The following SOX5 variants were observed in gnomAD, a reference collection of about 807,000 sequenced individuals.
SOX5 encodes the protein SRY-box transcription factor 5, also known as transcription factor SOX-5.
A neutral mutation model predicts 92.0 loss-of-function variants in SOX5; 9 were observed. The ratio of observed to expected loss-of-function variants is 0.10; its 90% CI spans 0.06 to 0.17. The LOEUF is 0.17. SOX5 is among the 10% of genes least tolerant of loss of function. The pLI is 1.00. For synonymous variants in SOX5, 344 were observed against 336.3 expected, an observed-to-expected ratio of 1.02 and a Z score of -0.25; for missense variants, 642 against 944.5, an observed-to-expected ratio of 0.68 and a Z score of 4.20.
intron 11 of SOX5, among the ~76,000 whole-genome samples, chr12:23,555,948 C>CTT (rs1469020985): frequency 2.6e-5 from 4 of 152,184 alleles, no homozygotes; most frequent in Admixed American, 2.6e-4. Flanking sequence ...CAAACAGCCC[C>CTT]TTTAACTTGC....
intron 6 of SOX5, among the ~76,000 whole-genome samples, chr12:23,711,435 T>C (rs932831932): frequency 6.6e-6 from 1 of 152,196 alleles, no homozygotes; most frequent in Non-Finnish European, 1.5e-5. Flanking sequence ...TAGGAAATAA[T>C]TGTGCATTTA....
chr12:23,943,698 A>C (rs1056029220), intron 1 of SOX5, among the ~76,000 whole-genome samples: 5 of 152,136 alleles, frequency 3.3e-5, no homozygotes, highest in African/African-American at 1.2e-4. Flanking sequence ...AATGTTACTT[A>C]GATAAAAGAG....
intron 2 of SOX5, among the ~76,000 whole-genome samples, chr12:24,301,801 A>G (rs372390990): frequency 8.5e-5 from 13 of 152,308 alleles, no homozygotes; most frequent in African/African-American, 3.1e-4. Flanking sequence ...AAGTCAATAA[A>G]GCATGCAGAC....
chr12:24,263,058 CAA>C (rs34237989), intron 3 of SOX5, among the ~76,000 whole-genome samples: 2,874 of 150,268 alleles, frequency 0.019, 79 homozygotes, highest in African/African-American at 0.065. Flanking sequence ...CTTGTCTCTA[CAA>C]AAAAAAAAGG....
At chr12:23,643,942 C>T (rs1432385264) in intron 7 of SOX5, among the ~76,000 whole-genome samples, 1 of 152,078 alleles carries the variant, frequency 6.6e-6, no homozygotes, top group Non-Finnish European at 1.5e-5. Flanking sequence ...TTTTAGAACC[C>T]ACCCTAAAGC....
At chr12:24,200,870 T>C (rs1957450140) in intron 4 of SOX5, among the ~76,000 whole-genome samples, 1 of 152,250 alleles carries the variant, frequency 6.6e-6, no homozygotes, top group Non-Finnish European at 1.5e-5. Flanking sequence ...CAGAATTTTA[T>C]TCAAATTGCC....
At chr12:23,593,129 T>A (rs2137177734) in intron 9 of SOX5, among the ~76,000 whole-genome samples, 1 of 152,182 alleles carries the variant, frequency 6.6e-6, no homozygotes, top group South Asian at 2.1e-4. Flanking sequence ...AAAAAATAGT[T>A]TTTCTAAATT....
intron 8 of SOX5, among the ~76,000 whole-genome samples, chr12:23,630,472 C>T (rs988219670): frequency 2.0e-5 from 3 of 151,908 alleles, no homozygotes; most frequent in Admixed American, 6.6e-5. Context: ...TATTAACACA[C>T]TTTAGTGCTG....
intron 2 of SOX5, among the ~76,000 whole-genome samples, chr12:24,302,556 G>T (rs1220737085): frequency 1.3e-5 from 2 of 150,416 alleles, no homozygotes; most frequent in African/African-American, 2.5e-5. Flanking sequence ...TATGAGTTTT[G>T]ATTTTTTTTT....
chr12:24,243,328 G>A (rs1937866734), intron 3 of SOX5, among the ~76,000 whole-genome samples: 1 of 152,044 alleles, frequency 6.6e-6, no homozygotes, highest in Non-Finnish European at 1.5e-5. Context: ...GTTTCATAGT[G>A]TGTATAGTGT....
chr12:23,957,323 G>T (rs918867308), intron 4 of SOX5, among the ~76,000 whole-genome samples: 5 of 152,064 alleles, frequency 3.3e-5, no homozygotes, highest in Admixed American at 1.3e-4. Flanking sequence ...TTATGACTAA[G>T]TTCATCTATT....
At chr12:24,350,049 T>C (rs532602232) in intron 2 of SOX5, among the ~76,000 whole-genome samples, 7 of 152,332 alleles carry the variant, frequency 4.6e-5, no homozygotes, top group African/African-American at 9.6e-5. Context: ...CCAAAGGAGA[T>C]TGAGAAACCA....
At chr12:24,096,542 A>T (rs1220006895) in intron 4 of SOX5, among the ~76,000 whole-genome samples, 1 of 152,188 alleles carries the variant, frequency 6.6e-6, no homozygotes, top group Non-Finnish European at 1.5e-5. Flanking sequence ...ATATAAATGG[A>T]ATTATACAAT....
At chr12:23,684,022 A>T (rs2087096840) in intron 6 of SOX5, among the ~76,000 whole-genome samples, 1 of 152,034 alleles carries the variant, frequency 6.6e-6, no homozygotes, top group African/African-American at 2.4e-5. Flanking sequence ...AGTAGGGTAG[A>T]GAAGGGAAAA....
chr12:24,555,917 G>A (rs1439065905), intron 1 of SOX5, among the ~76,000 whole-genome samples: 1 of 152,204 alleles, frequency 6.6e-6, no homozygotes, highest in African/African-American at 2.4e-5. Flanking sequence ...TATGGCTCTA[G>A]CACCACTTAG....
intron 3 of SOX5, among the ~76,000 whole-genome samples, chr12:23,756,573 A>T (rs1375918366): frequency 1.3e-5 from 2 of 151,972 alleles, no homozygotes; most frequent in African/African-American, 4.8e-5. Flanking sequence ...CAGCACTTAG[A>T]TGGATACACA....
intron 3 of SOX5, among the ~76,000 whole-genome samples, chr12:24,247,598 A>G (rs1264002666): frequency 6.6e-6 from 1 of 151,456 alleles, no homozygotes; most frequent in Non-Finnish European, 1.5e-5. Flanking sequence ...TGGGCACGTT[A>G]CATCTTTACC....
chr12:24,551,818 C>T (rs942946156), intron 1 of SOX5, among the ~76,000 whole-genome samples: 29 of 152,178 alleles, frequency 1.9e-4, no homozygotes, highest in African/African-American at 7.0e-4. Context: ...ACTCTTTCTC[C>T]CCTTCTCTAG....
At chr12:23,923,586 C>G (rs1939092900) in intron 1 of SOX5, among the ~76,000 whole-genome samples, 1 of 152,088 alleles carries the variant, frequency 6.6e-6, no homozygotes, top group African/African-American at 2.4e-5. Context: ...AGTGCCATGA[C>G]CAAAAGATAG....
Sources: gnomAD v4.1 joint callset for allele counts (sites outside exome capture counted in the v4.1 genomes callset) on GRCh38, gnomAD v4.1.1 for gene constraint, MANE v1.5 for transcripts, NCBI Gene and HGNC (gene_info 2026-07-23, HGNC 2026-07-21) for gene names.